Variants in PHACTR3 observed in about 807,000 individuals in gnomAD.
The protein encoded by PHACTR3 is phosphatase and actin regulator 3.
PHACTR3 carries 16 observed loss-of-function variants against 66.8 expected under a neutral mutation model. The observed-to-expected ratio is 0.24, with a 90% CI of 0.16 to 0.36. The LOEUF (loss-of-function observed/expected upper bound fraction) is 0.36, where lower values mean the gene tolerates loss of function less well. PHACTR3 is among the 10% of genes least tolerant of loss of function. PHACTR3 has a pLI of 1.00. For synonymous variants in PHACTR3, 323 were observed against 292.1 expected, an observed-to-expected ratio of 1.11 and a Z score of -1.08; for missense variants, 647 against 719.9, an observed-to-expected ratio of 0.90 and a Z score of 1.16.
intron 1 of PHACTR3, among the ~76,000 whole-genome samples, chr20:59,624,745 G>C (rs1190434809): frequency 6.6e-6 from 1 of 152,002 alleles, no homozygotes; most frequent in Non-Finnish European, 1.5e-5. Flanking sequence ...CTGATGGAAA[G>C]AAGACTTAAA....
chr20:59,822,745 G>A lies in PHACTR3; in HGVS notation c.1329-13760G>A, dbSNP rs563605818. ...GCACCTACCGTGTGGCTCGGGCCCC[G>A]TGCTGGGCAAGACCCTGCCTCCAGC... On this transcript the variant is annotated intron_variant, in intron 8 of 12. Coordinates refer to ENST00000371015, the MANE Select transcript of PHACTR3 (RefSeq NM_080672.5). 1.8e-4 allele frequency among the ~76,000 whole-genome samples: 27 copies of A among 152,314 alleles called. No individual in the cohort carries two copies. In the East Asian group the frequency reaches 2.7e-3, roughly 15 times the overall value.
intron 1 of PHACTR3, among the ~76,000 whole-genome samples, chr20:59,641,540 A>G (rs989522288): frequency 2.0e-5 from 3 of 152,198 alleles, no homozygotes; most frequent in Non-Finnish European, 2.9e-5. Context: ...CAGTCCCTCA[A>G]TGGATTGGAT....
chr20:59,818,874 C>A (rs1223564292), intron 8 of PHACTR3, among the ~76,000 whole-genome samples: 1 of 152,204 alleles, frequency 6.6e-6, no homozygotes, highest in Non-Finnish European at 1.5e-5. Context: ...TCCTCATTAT[C>A]TTTCCATCAT....
chr20:59,597,261 T>G (rs187730247), intron 1 of PHACTR3, among the ~76,000 whole-genome samples: 13 of 152,376 alleles, frequency 8.5e-5, no homozygotes, highest in African/African-American at 3.1e-4. Context: ...AATCAATGCA[T>G]GTGAGGTCCT....
intron 1 of PHACTR3, among the ~76,000 whole-genome samples, chr20:59,592,710 G>T (rs372654167): frequency 2.0e-5 from 3 of 152,070 alleles, no homozygotes; most frequent in African/African-American, 7.2e-5. Context: ...CCATAATTTT[G>T]CCTTTTTCAA....
At chr20:59,782,959 G>A (rs2040775958) in intron 7 of PHACTR3, among the ~76,000 whole-genome samples, 1 of 152,188 alleles carries the variant, frequency 6.6e-6, no homozygotes, top group African/African-American at 2.4e-5. Context: ...AGCCTTCTTT[G>A]CAGGCTCCGG....
intron 1 of PHACTR3, among the ~76,000 whole-genome samples, chr20:59,591,941 G>A (rs1048250817): frequency 2.6e-5 from 4 of 152,100 alleles, no homozygotes; most frequent in African/African-American, 7.2e-5. Flanking sequence ...TTCTCTGGCT[G>A]CTCCCAGAGA....
At chr20:59,686,959 A>T (rs2036914500) in intron 1 of PHACTR3, among the ~76,000 whole-genome samples, 2 of 146,656 alleles carry the variant, frequency 1.4e-5, no homozygotes, top group South Asian at 4.5e-4. Context: ...GATTGTGATG[A>T]TGATGGTGAT....
chr20:59,595,347 G>A (rs2426798), intron 1 of PHACTR3, among the ~76,000 whole-genome samples: 60,327 of 151,962 alleles, frequency 0.4, 12,069 homozygotes, highest in Non-Finnish European at 0.44. Context: ...CTGTAGTCCC[G>A]GCGAATCGGG....
rs1428882812 is a variant in PHACTR3 at position 59,604,939 on chromosome 20, G to A, written c.-76G>A. On this transcript the variant is annotated 5_prime_UTR_variant, in exon 1 of 13. Coordinates refer to ENST00000371015, the MANE Select transcript of PHACTR3 (RefSeq NM_080672.5). ...AAAAGACGCCCCCTCCAGCCCCCTC[G>A]CCGGTGACCTTGGCCGCCTCGGATG... The A allele has an allele frequency of 2.2e-5, 23 of 1,047,838 alleles. No homozygotes were observed. The highest frequency in any genetic ancestry group is 2.5e-5 in the Non-Finnish European group (22 of 876,144). The allele number at this position is 1,047,838 out of a possible 1,614,324, so 64.9% of individuals were successfully genotyped here. A position where few individuals can be genotyped will look rare whatever the true frequency, so the allele number is the denominator to read the frequency against.
At chr20:59,724,260 G>C (rs1236825336) in intron 1 of PHACTR3, among the ~76,000 whole-genome samples, 1 of 152,146 alleles carries the variant, frequency 6.6e-6, no homozygotes, top group Admixed American at 6.5e-5. Flanking sequence ...AATGCATGAA[G>C]GAGGAAATGA....
At position 59,798,667 on chromosome 20, in the gene PHACTR3, A is replaced by G. The variant is rs189682327; in HGVS notation, c.1175-7374A>G. 1.6e-4 allele frequency among the ~76,000 whole-genome samples: 24 copies of G among 152,224 alleles called. No homozygotes were observed. The East Asian group carries it at 4.6e-3, about 29-fold the overall frequency. ...TGAAGTGATTCACTATATTTTTTATATCTTCTTAACATCTGTAGAATTAGA... is the reference window on the plus strand; with the variant it reads ...TGAAGTGATTCACTATATTTTTTATGTCTTCTTAACATCTGTAGAATTAGA... On this transcript the variant is annotated intron_variant, in intron 7 of 12. Coordinates refer to ENST00000371015, the MANE Select transcript of PHACTR3 (RefSeq NM_080672.5).
At chr20:59,838,060 A>G (rs547504584) in intron 9 of PHACTR3, among the ~76,000 whole-genome samples, 38 of 152,334 alleles carry the variant, frequency 2.5e-4, no homozygotes, top group Non-Finnish European at 5.1e-4. Flanking sequence ...CAGTGCATGA[A>G]AGGGAAAATG....
chr20:59,622,837 C>T (rs2146368844), intron 1 of PHACTR3, among the ~76,000 whole-genome samples: 1 of 151,996 alleles, frequency 6.6e-6, no homozygotes, highest in Middle Eastern at 3.4e-3. Context: ...AGATGCACAT[C>T]CTGCTTGAAA....
intron 1 of PHACTR3, among the ~76,000 whole-genome samples, chr20:59,614,479 GTAGC>G: frequency 6.6e-6 from 1 of 152,318 alleles, no homozygotes; most frequent in Non-Finnish European, 1.5e-5. Context: ...GGTTGGATGG[GTAGC>G]TTGGCAACGC....
At chr20:59,748,273 G>A (rs2039446133) in intron 3 of PHACTR3, among the ~76,000 whole-genome samples, 1 of 152,114 alleles carries the variant, frequency 6.6e-6, no homozygotes, top group Admixed American at 6.5e-5. Flanking sequence ...TTCAGGACAT[G>A]CTGGGGCGGG....
At position 59,680,484 on chromosome 20, in the gene PHACTR3, G is replaced by A. The variant is rs148721393; in HGVS notation, c.119-62623G>A. Among the ~76,000 whole-genome samples the A allele has an allele frequency of 9.8e-3, 1,489 of 152,214 alleles. 12 individuals are homozygous for A. Among genetic ancestry groups the A allele is most frequent in the Non-Finnish European group, 0.016 (1,081 of 68,018 alleles). ...GAAAACCACAACTGCAACCGCCTGC[G>A]AACATCATGCAGTTTACGCAGCATT... On this transcript the variant is annotated intron_variant, in intron 1 of 12. Coordinates refer to ENST00000371015, the MANE Select transcript of PHACTR3 (RefSeq NM_080672.5).
At chr20:59,776,766 G>GCGTGGTTGAGCCAGCCT (rs1228176796) in intron 7 of PHACTR3, among the ~76,000 whole-genome samples, 2 of 152,238 alleles carry the variant, frequency 1.3e-5, no homozygotes, top group Non-Finnish European at 2.9e-5. Flanking sequence ...TGAGCCAGCA[G>GCGTGGTTGAGCCAGCCT]CGTGGTTGAG....
chr20:59,748,169 A>T (rs1333437850), intron 3 of PHACTR3, among the ~76,000 whole-genome samples: 2 of 151,510 alleles, frequency 1.3e-5, no homozygotes, highest in Non-Finnish European at 2.9e-5. Flanking sequence ...TTCAGCATTA[A>T]TTTTTTTTTC....
Sources: gnomAD v4.1 joint callset for allele counts (sites outside exome capture counted in the v4.1 genomes callset) on GRCh38, gnomAD v4.1.1 for gene constraint, MANE v1.5 for transcripts, NCBI Gene and HGNC (gene_info 2026-07-23, HGNC 2026-07-21) for gene names.